The following SCOC variants were observed in gnomAD, a reference collection of about 807,000 sequenced individuals.
SCOC encodes short coiled-coil protein.
In SCOC, 7 loss-of-function variants were observed where a neutral mutation model predicts 9.9. That is an observed-to-expected ratio of 0.71 (90% CI 0.40 to 1.33). SCOC has a LOEUF of 1.33. Among genes scored for constraint, SCOC ranks in the 40% most tolerant of loss-of-function variants. SCOC has a pLI of 0.01. For synonymous variants in SCOC, 19 were observed against 28.2 expected (o/e 0.67, Z 1.03); for missense variants, 66 against 89.7 (o/e 0.74, Z 1.07).
At chr4:140,286,319 T>G (rs1279404527) in intron 1 of SCOC, among the ~76,000 whole-genome samples, 1 of 148,632 alleles carries the variant, frequency 6.7e-6, no homozygotes. Flanking sequence ...ACTGGGTAGG[T>G]GAAAGAAGGC....
At chr4:140,364,193 C>T (rs534939642) in intron 2 of SCOC, among the ~76,000 whole-genome samples, 2 of 151,752 alleles carry the variant, frequency 1.3e-5, no homozygotes, top group African/African-American at 4.8e-5. Flanking sequence ...GAAAGGCATA[C>T]CTACTGTGAT....
intron 1 of SCOC, among the ~76,000 whole-genome samples, chr4:140,276,200 C>T (rs1371421708): frequency 2.0e-5 from 3 of 152,164 alleles, no homozygotes; most frequent in Admixed American, 2.0e-4. Flanking sequence ...GATGGGGTTT[C>T]ACCGTGTTAG....
At chr4:140,286,631 G>A (rs759262170) in intron 1 of SCOC, among the ~76,000 whole-genome samples, 3 of 152,238 alleles carry the variant, frequency 2.0e-5, no homozygotes, top group South Asian at 2.1e-4. Flanking sequence ...ATGTGCAGCC[G>A]TGTGCCCGCG....
chr4:140,260,477 G>T (rs990017112), intron 1 of SCOC, among the ~76,000 whole-genome samples: 2 of 152,154 alleles, frequency 1.3e-5, no homozygotes, highest in Non-Finnish European at 2.9e-5. Context: ...CAGTTTCCTG[G>T]CTCTGAGTCA....
intron 1 of SCOC, among the ~76,000 whole-genome samples, chr4:140,270,729 G>A (rs979045708): frequency 2.0e-4 from 30 of 152,292 alleles, no homozygotes; most frequent in African/African-American, 6.7e-4. Flanking sequence ...GGTTTGCATA[G>A]AAAGGCACAT....
At chr4:140,374,050 T>C (rs896041034) in intron 1 of SCOC, 2 of 520,358 alleles carry the variant, frequency 3.8e-6, no homozygotes. Context: ...GGCTCTGGAA[T>C]TGGACTGCGG....
intron 1 of SCOC, among the ~76,000 whole-genome samples, chr4:140,334,947 A>T (rs535686106): frequency 3.7e-4 from 56 of 152,302 alleles, no homozygotes; most frequent in African/African-American, 1.3e-3. Context: ...AAAATAAAAT[A>T]AATAAAATAA....
intron 1 of SCOC, among the ~76,000 whole-genome samples, chr4:140,303,204 T>G (rs1002723619): frequency 1.3e-5 from 2 of 152,200 alleles, no homozygotes; most frequent in African/African-American, 4.8e-5. Flanking sequence ...CACCCAGCAG[T>G]ACATCTTGGA....
intron 1 of SCOC, among the ~76,000 whole-genome samples, chr4:140,264,289 C>T (rs1730690247): frequency 6.6e-6 from 1 of 152,152 alleles, no homozygotes; most frequent in Non-Finnish European, 1.5e-5. Flanking sequence ...AGGTGCCTGC[C>T]ACCATGACTG....
chr4:140,365,905 G>A (rs568674263), intron 2 of SCOC, among the ~76,000 whole-genome samples: 1 of 152,250 alleles, frequency 6.6e-6, no homozygotes, highest in Non-Finnish European at 1.5e-5. Context: ...ATTATACTTT[G>A]GGGGAGTCAA....
chr4:140,298,261 C>T (rs953154242), intron 1 of SCOC, among the ~76,000 whole-genome samples: 1 of 152,220 alleles, frequency 6.6e-6, no homozygotes, highest in Non-Finnish European at 1.5e-5. Context: ...CAGCTACTTC[C>T]AGGACTCTCC....
rs1728572022 is a variant in SCOC at position 140,381,487 on chromosome 4, C to G, written c.*383C>G. The G allele has an allele frequency of 6.5e-6, 1 of 154,148 alleles. No individual in the cohort carries two copies. Among genetic ancestry groups the G allele is most frequent in the African/African-American group, 2.4e-5 (1 of 41,460 alleles). 9.5% of individuals were successfully genotyped at this position (154,148 alleles called of 1,614,324 possible). On this transcript the variant is annotated 3_prime_UTR_variant, in exon 4 of 4. Transcript: ENST00000608372. ...TACTAAATGCACAGCTTTATGTACC[C>G]TGTCCACCATCTTGTGCCTCTTCTC...
intron 1 of SCOC, chr4:140,376,859 A>G (rs898399462): frequency 6.6e-6 from 1 of 152,194 alleles, no homozygotes; most frequent in Non-Finnish European, 1.5e-5. Context: ...AAAGAAGACT[A>G]CCCTATCACT....
chr4:140,266,241 A>G (rs1346889737), intron 1 of SCOC, among the ~76,000 whole-genome samples: 1 of 152,190 alleles, frequency 6.6e-6, no homozygotes, highest in Non-Finnish European at 1.5e-5. Context: ...CATGGGGAAG[A>G]TGGCAAGTAG....
intron 1 of SCOC, among the ~76,000 whole-genome samples, chr4:140,265,809 C>A (rs1190881091): frequency 6.6e-6 from 1 of 152,238 alleles, no homozygotes; most frequent in Non-Finnish European, 1.5e-5. Context: ...ATGTGGCCAT[C>A]TGTCCCATCT....
intron 1 of SCOC, among the ~76,000 whole-genome samples, chr4:140,287,858 A>T (rs910047999): frequency 2.6e-5 from 4 of 152,016 alleles, no homozygotes; most frequent in African/African-American, 9.7e-5. Context: ...TGACACACAG[A>T]CCACAGACAT....
chr4:140,342,155 G>C (rs1332106213), upstream of SCOC, among the ~76,000 whole-genome samples: 1 of 151,960 alleles, frequency 6.6e-6, no homozygotes. Flanking sequence ...TTATTTACCT[G>C]TATCTCATAC....
intron 2 of SCOC, among the ~76,000 whole-genome samples, chr4:140,356,012 T>G (rs1471895212): frequency 3.3e-5 from 5 of 152,314 alleles, no homozygotes; most frequent in African/African-American, 1.2e-4. Flanking sequence ...GGTTGGATTA[T>G]GGACATCTGT....
chr4:140,325,910 T>C (rs1173707936), intron 1 of SCOC, among the ~76,000 whole-genome samples: 1 of 152,184 alleles, frequency 6.6e-6, no homozygotes, highest in Non-Finnish European at 1.5e-5. Context: ...TCACAGTCAT[T>C]CCAAACGAGA....
Sources: allele counts gnomAD v4.1 joint callset (sites outside exome capture counted in the v4.1 genomes callset), GRCh38; gene constraint gnomAD v4.1.1; transcripts MANE v1.5; gene names NCBI Gene and HGNC (gene_info 2026-07-23, HGNC 2026-07-21).